The following PRKCE variants were observed in gnomAD, a reference collection of about 807,000 sequenced individuals.
PRKCE encodes the protein protein kinase C epsilon.
A neutral mutation model predicts 85.4 loss-of-function variants in PRKCE; 16 were observed. That is an observed-to-expected ratio of 0.19 (90% CI 0.13 to 0.28). The LOEUF (loss-of-function observed/expected upper bound fraction) is 0.28. PRKCE is among the 10% of genes least tolerant of loss of function. PRKCE has a pLI of 1.00. For synonymous variants in PRKCE, 388 were observed against 371.5 expected (o/e 1.04, Z -0.51); for missense variants, 573 against 975.2 (o/e 0.59, Z 5.49).
chr2:45,788,962 C>T (rs1442239282), intron 1 of PRKCE, among the ~76,000 whole-genome samples: 1 of 152,194 alleles, frequency 6.6e-6, no homozygotes, highest in Admixed American at 6.5e-5. Flanking sequence ...CTACCCCAGA[C>T]CAATTAAATC....
intron 11 of PRKCE, among the ~76,000 whole-genome samples, chr2:46,097,761 A>G (rs1670850149): frequency 6.6e-6 from 1 of 152,210 alleles, no homozygotes; most frequent in South Asian, 2.1e-4. Context: ...AAATACCAGC[A>G]TGAGTTTTTC....
intron 13 of PRKCE, among the ~76,000 whole-genome samples, chr2:46,158,071 T>C (rs1677395275): frequency 6.6e-6 from 1 of 152,100 alleles, no homozygotes; most frequent in South Asian, 2.1e-4. Context: ...ATTTGCTGAG[T>C]GTACAGTGGG....
Position 46,159,566 on chromosome 2 carries a change from G to A in PRKCE, c.1921-40G>A. 1 of 1,556,044 alleles carries A rather than the reference G, an allele frequency of 6.4e-7. No individual in the cohort carries two copies. Among genetic ancestry groups the A allele is most frequent in the Non-Finnish European group, 8.6e-7 (1 of 1,158,016 alleles). On this transcript the variant is annotated intron_variant, in intron 13 of 14. Coordinates refer to ENST00000306156, the MANE Select transcript of PRKCE (RefSeq NM_005400.3). This position sits in a 1 kb window ranked among gnomAD's most constrained non-coding sequence, Gnocchi z 4.1. ...GTCCCTTATAGCCTGTGCTGGCCAGGCCTTTGTCACTAATTCCGACTCTGT... is the reference window on the plus strand; with the variant it reads ...GTCCCTTATAGCCTGTGCTGGCCAGACCTTTGTCACTAATTCCGACTCTGT...
intron 2 of PRKCE, among the ~76,000 whole-genome samples, chr2:45,862,594 C>T (rs370415749): frequency 2.6e-5 from 4 of 152,172 alleles, no homozygotes; most frequent in African/African-American, 9.7e-5. Flanking sequence ...TTTTCTGTGT[C>T]CCTGGAGCTG....
chr2:46,182,028 C>A (rs1183638615), intron 14 of PRKCE, among the ~76,000 whole-genome samples: 1 of 152,180 alleles, frequency 6.6e-6, no homozygotes, highest in Non-Finnish European at 1.5e-5. Flanking sequence ...GAATATTCTT[C>A]TTGCCCTATT....
rs1558623716 is a variant in PRKCE at position 45,744,477 on chromosome 2, CTTTCTTTCTTTT to C, written c.348+92031_348+92042del. Among the ~76,000 whole-genome samples, 64 of 45,444 alleles carry C rather than the reference CTTTCTTTCTTTT, an allele frequency of 1.4e-3. 2 individuals carry two copies. The highest frequency in any genetic ancestry group is 6.3e-3 in the South Asian group (6 of 946). 29.8% of individuals were successfully genotyped at this position (45,444 alleles called of 152,430 possible). ...TCTTTCTTTCTTTCTTTCTTTCTTT[CTTTCTTTCTTTT>C]TCTTTCTTTCTTTTCTTTCTTTCTT... On this transcript the variant is annotated intron_variant, in intron 1 of 14. Coordinates refer to ENST00000306156, the MANE Select transcript of PRKCE (RefSeq NM_005400.3).
chr2:45,841,644 C>G (rs183466216), intron 1 of PRKCE, among the ~76,000 whole-genome samples: 1 of 152,200 alleles, frequency 6.6e-6, no homozygotes, highest in Non-Finnish European at 1.5e-5. Flanking sequence ...CACCCAGTAA[C>G]AATGCTTTGC....
intron 1 of PRKCE, among the ~76,000 whole-genome samples, chr2:45,833,744 T>G (rs1044627824): frequency 3.9e-5 from 6 of 152,230 alleles, no homozygotes; most frequent in Non-Finnish European, 7.3e-5. Flanking sequence ...ATATACCTAG[T>G]GATAGGGACC....
At chr2:45,733,254 T>C (rs1482307358) in intron 1 of PRKCE, among the ~76,000 whole-genome samples, 1 of 152,080 alleles carries the variant, frequency 6.6e-6, no homozygotes, top group Non-Finnish European at 1.5e-5. Context: ...GCTGGCCCTG[T>C]CCTGGTACAC....
intron 2 of PRKCE, among the ~76,000 whole-genome samples, chr2:45,946,424 A>T (rs1006729705): frequency 2.0e-5 from 3 of 152,238 alleles, no homozygotes; most frequent in African/African-American, 7.2e-5. Flanking sequence ...CCCAGGGCTT[A>T]CAGGGGAAGC....
intron 10 of PRKCE, among the ~76,000 whole-genome samples, chr2:46,025,396 A>C (rs377216866): frequency 6.6e-6 from 1 of 152,210 alleles, no homozygotes; most frequent in African/African-American, 2.4e-5. Flanking sequence ...TCTTCAACTT[A>C]ATATCAGGTA....
At chr2:45,860,713 G>T (rs1266607033) in intron 2 of PRKCE, among the ~76,000 whole-genome samples, 1 of 152,132 alleles carries the variant, frequency 6.6e-6, no homozygotes, top group South Asian at 2.1e-4. Context: ...TCTCTCTGGG[G>T]GCCCTGCCCA....
intron 10 of PRKCE, among the ~76,000 whole-genome samples, chr2:46,065,002 G>A (rs1009410776): frequency 6.6e-6 from 1 of 152,194 alleles, no homozygotes; most frequent in Non-Finnish European, 1.5e-5. Context: ...TCTAGCTTGA[G>A]AAGCCATGCT....
intron 2 of PRKCE, among the ~76,000 whole-genome samples, chr2:45,930,577 G>A (rs1698966415): frequency 6.6e-6 from 1 of 152,222 alleles, no homozygotes; most frequent in Non-Finnish European, 1.5e-5. Context: ...TGGAATGCCT[G>A]TCCTTTGTCT....
At chr2:45,669,809 A>G (rs1676073119) in intron 1 of PRKCE, among the ~76,000 whole-genome samples, 1 of 152,150 alleles carries the variant, frequency 6.6e-6, no homozygotes. Context: ...TCAGGAGTTC[A>G]AGACCAGCCT....
chr2:45,870,017 T>C (rs1259757173), intron 2 of PRKCE, among the ~76,000 whole-genome samples: 2 of 152,160 alleles, frequency 1.3e-5, no homozygotes, highest in Non-Finnish European at 2.9e-5. Context: ...CATTACATTT[T>C]TCTATGGAGG....
At chr2:45,979,582 G>A (rs61763806) in intron 4 of PRKCE, among the ~76,000 whole-genome samples, 4,286 of 152,256 alleles carry the variant, frequency 0.028, 91 homozygotes, top group Non-Finnish European at 0.04. Flanking sequence ...TTGGAGGGTG[G>A]AAATGTGGCA....
At chr2:45,850,936 G>A (rs1271430178) in intron 2 of PRKCE, among the ~76,000 whole-genome samples, 1 of 152,198 alleles carries the variant, frequency 6.6e-6, no homozygotes, top group Non-Finnish European at 1.5e-5. Context: ...CACAGTGCCT[G>A]CTGTCAGGAA....
chr2:45,683,517 G>A (rs968324359), intron 1 of PRKCE, among the ~76,000 whole-genome samples: 2 of 152,168 alleles, frequency 1.3e-5, no homozygotes, highest in Admixed American at 6.5e-5. Context: ...CCAACTGTGG[G>A]CTTAGGACAG....
Sources: allele counts gnomAD v4.1 joint callset (sites outside exome capture counted in the v4.1 genomes callset), GRCh38; gene constraint gnomAD v4.1.1; non-coding constraint Gnocchi (gnomAD v3.1); transcripts MANE v1.5; gene names NCBI Gene and HGNC (gene_info 2026-07-23, HGNC 2026-07-21).